Variants in TMEM116 observed in about 807,000 individuals in gnomAD.
TMEM116 encodes the protein transmembrane protein 116.
In TMEM116, 38 loss-of-function variants were observed where a neutral mutation model predicts 44.3. The observed-to-expected ratio is 0.86, with a 90% CI of 0.66 to 1.12. TMEM116 has a LOEUF of 1.12. TMEM116 is among the 50% of genes most tolerant of loss of function. TMEM116 has a pLI of 0.00. For missense variants in TMEM116, 354 were observed against 401.7 expected (o/e 0.88, Z 1.01); for synonymous variants, 132 against 144.8 (o/e 0.91, Z 0.64).
intron 4 of TMEM116, among the ~76,000 whole-genome samples, chr12:111,971,228 GAAATGGTAAATA>G (rs1466896401): frequency 5.3e-5 from 8 of 152,108 alleles, no homozygotes; most frequent in African/African-American, 1.9e-4. Context: ...AAGAGCACCA[GAAATGGTAAATA>G]TAAAGTATGT....
chr12:111,969,187 G>A (rs1380522984), intron 4 of TMEM116, among the ~76,000 whole-genome samples: 1 of 151,330 alleles, frequency 6.6e-6, no homozygotes, highest in Non-Finnish European at 1.5e-5. Context: ...GGGCACGGTG[G>A]TGCATGCCTG....
chr12:111,933,962 T>C lies in TMEM116; in HGVS notation c.657A>G (p.Glu219=), dbSNP rs772421141. Residue 219 remains glutamate, a synonymous_variant, in exon 9 of 11, where the codon GAA becomes GAG. Transcript: ENST00000552374. ...CCACAATGTGAATCACTGCCCACTG[T>C]TCACTCCCCAGAAAGCCAGTTGACT... ...FVKSTGFLGS[E]QWAVIHIVDQ... 1.2e-5 allele frequency: 20 copies of C among 1,614,042 alleles called. No homozygotes were observed. Among genetic ancestry groups the C allele is most frequent in the Middle Eastern group, 1.6e-4 (1 of 6,084 alleles).
At chr12:111,950,152 AC>A (rs930171286) in intron 4 of TMEM116, among the ~76,000 whole-genome samples, 27 of 151,932 alleles carry the variant, frequency 1.8e-4, no homozygotes, top group Non-Finnish European at 1.0e-4. Flanking sequence ...AAAAAAAACA[AC>A]CAAAAAAACC....
intron 4 of TMEM116, among the ~76,000 whole-genome samples, chr12:111,973,610 A>G (rs2075490084): frequency 6.6e-6 from 1 of 152,244 alleles, no homozygotes; most frequent in Non-Finnish European, 1.5e-5. Flanking sequence ...ATTTTAAGAA[A>G]GAGCAAATTA....
chr12:112,002,324 C>T lies in TMEM116; in HGVS notation c.78+1476G>A, dbSNP rs952374246. On this transcript the variant is annotated intron_variant, in intron 3 of 10. Transcript: ENST00000552374. ...AGGAGAATTGCTTGAACCCAGGAGG[C>T]AAAGGTTGCAGTGAGCCGAGATTGC... is the stretch of plus-strand genomic sequence containing the variant. 2.1e-5 allele frequency among the ~76,000 whole-genome samples: 3 copies of T among 142,884 alleles called. No homozygotes were observed. The Admixed American group carries it at 2.3e-4, about 11-fold the overall frequency. The allele number at this position is 142,884 out of a possible 152,430, so 93.7% of individuals were successfully genotyped here.
At chr12:112,005,817 A>G (rs2077549382) in intron 1 of TMEM116, 1 of 878,352 alleles carries the variant, frequency 1.1e-6, no homozygotes, top group African/African-American at 1.8e-5. Context: ...TAGAAAGAGG[A>G]AAGATAGACT....
chr12:111,987,653 T>C (rs975323856), intron 4 of TMEM116, among the ~76,000 whole-genome samples: 3 of 152,166 alleles, frequency 2.0e-5, no homozygotes, highest in African/African-American at 7.2e-5. Flanking sequence ...TACCACTTTA[T>C]ACCCATTAGG....
At chr12:111,986,547 C>T (rs923932624) in intron 4 of TMEM116, among the ~76,000 whole-genome samples, 3 of 152,128 alleles carry the variant, frequency 2.0e-5, no homozygotes, top group Admixed American at 1.3e-4. Flanking sequence ...TGGTGGCTCA[C>T]GCCTGTAATC....
chr12:111,969,885 T>G (rs1257655013), intron 4 of TMEM116, among the ~76,000 whole-genome samples: 1 of 151,914 alleles, frequency 6.6e-6, no homozygotes, highest in Admixed American at 6.6e-5. Context: ...TGGCCTGAGA[T>G]TTTTTTTAAA....
intron 5 of TMEM116, among the ~76,000 whole-genome samples, chr12:111,939,554 T>C (rs1384132441): frequency 6.6e-6 from 1 of 151,554 alleles, no homozygotes; most frequent in Admixed American, 6.6e-5. Flanking sequence ...TCCCAGCACT[T>C]TGGGAGGCCA....
At chr12:111,971,131 C>G (rs2075307531) in intron 4 of TMEM116, among the ~76,000 whole-genome samples, 1 of 152,002 alleles carries the variant, frequency 6.6e-6, no homozygotes, top group Non-Finnish European at 1.5e-5. Flanking sequence ...TGAAACCAGA[C>G]TCACCCTACA....
chr12:111,964,137 A>T (rs941357457), intron 4 of TMEM116, among the ~76,000 whole-genome samples: 9 of 136,924 alleles, frequency 6.6e-5, no homozygotes, highest in African/African-American at 2.1e-4. Context: ...ATTTCAGGTT[A>T]AAAAAAAAAA....
chr12:112,004,570 G>A (rs940634871), intron 2 of TMEM116, among the ~76,000 whole-genome samples: 6 of 151,646 alleles, frequency 4.0e-5, no homozygotes, highest in Non-Finnish European at 8.8e-5. Context: ...TACAGGCATG[G>A]GCCACCATAT....
chr12:111,945,367 AAAG>A (rs1335327247), intron 4 of TMEM116, among the ~76,000 whole-genome samples: 6 of 150,724 alleles, frequency 4.0e-5, no homozygotes, highest in South Asian at 2.1e-4. Flanking sequence ...AAAAAAAAAA[AAAG>A]AAGAAGAAAT....
At chr12:111,975,203 G>GGCAC (rs2075599877) in intron 4 of TMEM116, among the ~76,000 whole-genome samples, 1 of 152,212 alleles carries the variant, frequency 6.6e-6, no homozygotes, top group Non-Finnish European at 1.5e-5. Flanking sequence ...GGAGTGCAGT[G>GGCAC]GCACGATCAG....
chr12:111,957,756 C>T (rs1390255903), intron 4 of TMEM116, among the ~76,000 whole-genome samples: 12 of 152,208 alleles, frequency 7.9e-5, no homozygotes. Flanking sequence ...TGCCCGGCCA[C>T]CACCCCGTCT....
In TMEM116 at chr12:111,931,346, C is replaced by A; in HGVS notation, c.*275G>T. 2.3e-6 allele frequency: 1 copy of A among 432,098 alleles called. No individual in the cohort carries two copies. Among genetic ancestry groups the A allele is most frequent in the South Asian group, 2.8e-5 (1 of 35,892 alleles). 26.8% of individuals were successfully genotyped at this position (432,098 alleles called of 1,614,324 possible). On this transcript the variant is annotated 3_prime_UTR_variant, in exon 11 of 11. Transcript: ENST00000552374. ...TTTTCTAGAAGAGACTTAGACAAAT[C>A]CAATATCCATCAAGGTAACACGAGT...
chr12:111,932,549 G>C (rs2071745530), intron 10 of TMEM116, 37 bp downstream of exon 10: 1 of 1,541,166 alleles, frequency 6.5e-7, no homozygotes, highest in African/African-American at 1.4e-5. Flanking sequence ...GGATAAGCGG[G>C]TGTAAGAACA....
chr12:111,934,314 G>C lies in TMEM116; in HGVS notation c.589-284C>G, dbSNP rs1227852927. On this transcript the variant is annotated intron_variant, in intron 8 of 10. Coordinates refer to ENST00000552374, the MANE Select transcript of TMEM116 (RefSeq NM_001193531.2). ...CCTCTGGGCATTTCCCCCCACTGAG[G>C]CTAATCACAGTTTACCCAGGAAGTT... 6 of 304,856 alleles carry C rather than the reference G, an allele frequency of 2.0e-5. No homozygotes were observed. The South Asian group carries it at 2.9e-4, about 15-fold the overall frequency. 18.9% of individuals were successfully genotyped at this position (304,856 alleles called of 1,614,324 possible). A position where few individuals can be genotyped will look rare whatever the true frequency, so the allele number is the denominator to read the frequency against.
Sources: allele counts gnomAD v4.1 joint callset (sites outside exome capture counted in the v4.1 genomes callset), GRCh38; gene constraint gnomAD v4.1.1; transcripts MANE v1.5; gene names NCBI Gene and HGNC (gene_info 2026-07-23, HGNC 2026-07-21).